PMEPA1: variants seen among roughly 807,000 people sequenced by gnomAD.
PMEPA1 encodes protein TMEPAI.
Under a neutral mutation model 23.0 loss-of-function variants are expected in PMEPA1, and 11 were observed. That is an observed-to-expected ratio of 0.48 (90% confidence interval 0.30 to 0.79). The LOEUF is 0.79. Among genes scored for constraint, PMEPA1 ranks in the 30% least tolerant of loss-of-function variants. The probability of loss-of-function intolerance (pLI) is 0.06; values close to 1 mark genes in which losing one functional copy is unlikely to be tolerated. For missense variants in PMEPA1, 377 were observed against 390.9 expected (o/e 0.96, Z 0.30); for synonymous variants, 204 against 166.4 (o/e 1.23, Z -1.74).
At chr20:57,670,548 C>T (rs955303731) in intron 1 of PMEPA1, among the ~76,000 whole-genome samples, 7 of 152,220 alleles carry the variant, frequency 4.6e-5, no homozygotes, top group African/African-American at 1.4e-4. Flanking sequence ...CCTCAGGTCG[C>T]ATGCACACCT....
At chr20:57,696,082 G>A (rs1295764491) in intron 1 of PMEPA1, among the ~76,000 whole-genome samples, 4 of 152,280 alleles carry the variant, frequency 2.6e-5, no homozygotes, top group Middle Eastern at 3.4e-3. Flanking sequence ...ACCTGTTACC[G>A]ACAATTTCTG....
chr20:57,675,771 T>C (rs1400527455), intron 1 of PMEPA1, among the ~76,000 whole-genome samples: 1 of 152,136 alleles, frequency 6.6e-6, no homozygotes, highest in Non-Finnish European at 1.5e-5. Context: ...CTTTGATTGT[T>C]TGGGGGTGTG....
At chr20:57,706,311 C>T (rs890306351) in intron 1 of PMEPA1, among the ~76,000 whole-genome samples, 2 of 152,130 alleles carry the variant, frequency 1.3e-5, no homozygotes, top group Non-Finnish European at 2.9e-5. Flanking sequence ...ATCTCTGAGA[C>T]GCAGCAGAAC....
rs2146715573 is a variant in PMEPA1, at chr20:57,704,834, A to G, written c.109+4640T>C. Among the ~76,000 whole-genome samples, 1 of 152,288 alleles carries G rather than the reference A, an allele frequency of 6.6e-6. No homozygotes were observed. The highest frequency in any genetic ancestry group is 2.4e-5 in the African/African-American group (1 of 41,568). On this transcript the variant is annotated intron_variant, in intron 1 of 3. Coordinates refer to ENST00000341744, the MANE Select transcript of PMEPA1 (RefSeq NM_020182.5). This position sits in a 1 kb window ranked among gnomAD's most constrained non-coding sequence, Gnocchi z 4.6. ...TCTGGGGCAATTTGGTGGCGGGTGC[A>G]TCTTGCAGCATGGAGGCTTCCTTGG... is the stretch of plus-strand genomic sequence containing the variant.
At chr20:57,669,056 G>A (rs746932336) in intron 1 of PMEPA1, among the ~76,000 whole-genome samples, 6 of 152,166 alleles carry the variant, frequency 3.9e-5, no homozygotes, top group South Asian at 2.1e-4. Context: ...GGCTCAGAGC[G>A]AACTCATTCT....
chr20:57,673,060 G>A (rs2071590706), intron 1 of PMEPA1, among the ~76,000 whole-genome samples: 1 of 152,136 alleles, frequency 6.6e-6, no homozygotes, highest in Non-Finnish European at 1.5e-5. Flanking sequence ...TGCTCCCTGG[G>A]CCCAACATGC....
intron 1 of PMEPA1, among the ~76,000 whole-genome samples, chr20:57,708,807 A>C (rs547074650): frequency 9.2e-5 from 14 of 152,126 alleles, no homozygotes; most frequent in African/African-American, 3.4e-4. Flanking sequence ...AGACCCCCAG[A>C]AAGATGGACA....
chr20:57,666,769 C>G lies in PMEPA1; in HGVS notation c.110-7072G>C, dbSNP rs540414128. ...GGGTGCCAGGAGTTATGGGCACCTG[C>G]CATGGCATAACACAGACGCTGACAG... On this transcript the variant is annotated intron_variant, in intron 1 of 3. Coordinates refer to ENST00000341744, the MANE Select transcript of PMEPA1 (RefSeq NM_020182.5). 5.8e-4 allele frequency among the ~76,000 whole-genome samples: 88 copies of G among 152,300 alleles called. 1 individual carries two copies. The highest frequency in any genetic ancestry group is 2.0e-3 in the African/African-American group (82 of 41,552).
intron 1 of PMEPA1, among the ~76,000 whole-genome samples, chr20:57,688,158 C>G (rs1413031156): frequency 1.3e-5 from 2 of 152,262 alleles, no homozygotes; most frequent in Non-Finnish European, 2.9e-5. Flanking sequence ...GAGTAGGCAC[C>G]TGGGTGTTTC....
At chr20:57,680,706 T>C (rs2071700857) in intron 1 of PMEPA1, among the ~76,000 whole-genome samples, 1 of 152,230 alleles carries the variant, frequency 6.6e-6, no homozygotes, top group African/African-American at 2.4e-5. Flanking sequence ...CAACTTAGTC[T>C]AAAAACATCT....
chr20:57,700,305 CAACT>C (rs1012315431), intron 1 of PMEPA1: 7 of 360,396 alleles, frequency 1.9e-5, no homozygotes, highest in African/African-American at 1.3e-4. Flanking sequence ...CCACTTCCAC[CAACT>C]GTCAAAATGT....
intron 1 of PMEPA1, among the ~76,000 whole-genome samples, chr20:57,705,832 G>C (rs1429662694): frequency 6.6e-6 from 1 of 152,172 alleles, no homozygotes; most frequent in African/African-American, 2.4e-5. Context: ...CTGGTATCTA[G>C]TGGGTGTGGG....
chr20:57,685,803 G>GC (rs1355430422), intron 1 of PMEPA1, among the ~76,000 whole-genome samples: 2 of 152,222 alleles, frequency 1.3e-5, no homozygotes, highest in East Asian at 1.9e-4. Context: ...CTTAAAGGGG[G>GC]CGTGTGGCAA....
At chr20:57,696,334 G>A (rs1600670056) in intron 1 of PMEPA1, among the ~76,000 whole-genome samples, 1 of 152,190 alleles carries the variant, frequency 6.6e-6, no homozygotes, top group East Asian at 1.9e-4. Context: ...GGAATGCCAG[G>A]AAAACCTTGT....
chr20:57,670,340 G>T (rs1271466968), intron 1 of PMEPA1, among the ~76,000 whole-genome samples: 2 of 152,168 alleles, frequency 1.3e-5, no homozygotes, highest in Admixed American at 1.3e-4. Flanking sequence ...CAGCTAATGG[G>T]CTGGCAGATG....
intron 1 of PMEPA1, among the ~76,000 whole-genome samples, chr20:57,702,137 G>C (rs1396155204): frequency 1.3e-5 from 2 of 152,184 alleles, no homozygotes; most frequent in Non-Finnish European, 2.9e-5. Flanking sequence ...AGCTCGTAGA[G>C]GGCAGGAATT....
chr20:57,671,052 C>T (rs1026210050), intron 1 of PMEPA1, among the ~76,000 whole-genome samples: 1 of 152,150 alleles, frequency 6.6e-6, no homozygotes, highest in African/African-American at 2.4e-5. Context: ...CATTTTAGAA[C>T]CTGATGATTT....
At chr20:57,671,528 T>C (rs905082455) in intron 1 of PMEPA1, among the ~76,000 whole-genome samples, 4 of 152,132 alleles carry the variant, frequency 2.6e-5, no homozygotes, top group African/African-American at 7.2e-5. Context: ...AACGTATATA[T>C]AGATATACAC....
chr20:57,667,080 G>A (rs1250357660), intron 1 of PMEPA1, among the ~76,000 whole-genome samples: 5 of 152,224 alleles, frequency 3.3e-5, no homozygotes, highest in Non-Finnish European at 2.9e-5. Context: ...TGGGCCTGTG[G>A]AGTGAAGATG....
Sources: gnomAD v4.1 joint callset for allele counts (sites outside exome capture counted in the v4.1 genomes callset) on GRCh38, gnomAD v4.1.1 for gene constraint, Gnocchi (gnomAD v3.1) non-coding constraint, MANE v1.5 for transcripts, NCBI Gene and HGNC (gene_info 2026-07-23, HGNC 2026-07-21) for gene names.